Variants in ASPH observed in about 807,000 individuals in gnomAD.
ASPH encodes aspartate beta-hydroxylase.
ASPH carries 100 observed loss-of-function variants against 118.4 expected under a neutral mutation model. The observed-to-expected ratio is 0.84, with a 90% CI of 0.72 to 1.00. ASPH has a LOEUF of 1.00. ASPH is among the 50% of genes least tolerant of loss of function. The probability of loss-of-function intolerance (pLI) is 0.00; values close to 1 mark genes in which losing one functional copy is unlikely to be tolerated. For missense variants in ASPH, 920 were observed against 919.5 expected, an observed-to-expected ratio of 1.00 and a Z score of -0.01; for synonymous variants, 315 against 325.6, an observed-to-expected ratio of 0.97 and a Z score of 0.35.
At chr8:61,614,430 A>G (rs145846938) in intron 14 of ASPH, among the ~76,000 whole-genome samples, 2 of 152,232 alleles carry the variant, frequency 1.3e-5, no homozygotes. Flanking sequence ...AATCAAGAAC[A>G]TATTGCACAT....
At chr8:61,593,020 G>C (rs1032873388) in intron 14 of ASPH, among the ~76,000 whole-genome samples, 1 of 152,196 alleles carries the variant, frequency 6.6e-6, no homozygotes, top group African/African-American at 2.4e-5. Flanking sequence ...CTACAGGCGG[G>C]GGATGTGGGT....
intron 21 of ASPH, among the ~76,000 whole-genome samples, chr8:61,541,296 G>A (rs759738108): frequency 6.6e-5 from 10 of 152,146 alleles, no homozygotes; most frequent in South Asian, 2.1e-4. Flanking sequence ...CCCGCGAGGC[G>A]GAGCTTGCAG....
chr8:61,573,281 T>A (rs1484818682), intron 16 of ASPH, among the ~76,000 whole-genome samples: 1 of 152,164 alleles, frequency 6.6e-6, no homozygotes, highest in Admixed American at 6.5e-5. Context: ...AAAATGGCCA[T>A]AGTGCCCAAA....
chr8:61,650,941 A>C, intron 5 of ASPH, 109 bp downstream of exon 5: 2 of 1,151,952 alleles, frequency 1.7e-6, no homozygotes, highest in Non-Finnish European at 2.4e-6. Flanking sequence ...TTTTTAAAAA[A>C]CACAAACACC....
At chr8:61,651,263 C>T (rs1183360394) in intron 4 of ASPH, 139 bp from the exon 5 acceptor site, 1 of 615,900 alleles carries the variant, frequency 1.6e-6, no homozygotes, top group Non-Finnish European at 2.6e-6. Context: ...TCTCTATCAG[C>T]TTACATTTTT....
Position 61,501,212 on chromosome 8 carries a change from G to GAAAT in ASPH, c.*2143_*2146dup, listed in dbSNP as rs1165797241. 4 of 146,966 alleles carry GAAAT rather than the reference G, an allele frequency of 2.7e-5. No individual in the cohort carries two copies. The highest frequency in any genetic ancestry group is 6.2e-5 in the Non-Finnish European group (4 of 64,792). The allele number at this position is 146,966 out of a possible 1,614,324, so 9.1% of individuals were successfully genotyped here. On this transcript the variant is annotated 3_prime_UTR_variant, in exon 25 of 25. Transcript: ENST00000379454. ...TGTACCAAGACATAGATAGGTAAGAGAAATAAAGAATTGAAGTGAATTAGA... is the reference window on the plus strand; with the variant it reads ...TGTACCAAGACATAGATAGGTAAGAGAAATAAATAAAGAATTGAAGTGAATTAGA...
At chr8:61,551,779 C>T (rs889241762) in intron 20 of ASPH, among the ~76,000 whole-genome samples, 1 of 152,170 alleles carries the variant, frequency 6.6e-6, no homozygotes, top group Non-Finnish European at 1.5e-5. Context: ...TTTCTTATCC[C>T]TCTCATTCAA....
At chr8:61,696,040 G>T (rs565603776) in intron 1 of ASPH, among the ~76,000 whole-genome samples, 5 of 152,282 alleles carry the variant, frequency 3.3e-5, no homozygotes, top group African/African-American at 1.2e-4. Context: ...TTCAGACTCA[G>T]ATTCGTCCCT....
chr8:61,633,802 G>A, intron 12 of ASPH, 75 bp from the exon 13 acceptor site: 1 of 995,554 alleles, frequency 1.0e-6, no homozygotes, highest in Non-Finnish European at 1.5e-6. Flanking sequence ...CCAGATTTAA[G>A]TAATGATGAT....
chr8:61,654,384 T>C (rs1812588103), intron 3 of ASPH, among the ~76,000 whole-genome samples: 1 of 152,196 alleles, frequency 6.6e-6, no homozygotes, highest in South Asian at 2.1e-4. Flanking sequence ...AATCCAAGTA[T>C]TTAGAAAACA....
At position 61,517,559 on chromosome 8, in the gene ASPH, C is replaced by A; in HGVS notation, c.2095G>T (p.Gly699Cys). Residue 699 changes from glycine (G) to cysteine (C), a missense_variant, in exon 24 of 25, where the codon GGC becomes TGC. Physicochemically the swap from Gly to Cys is radical, Grantham distance 159. Transcript: ENST00000379454. ...MHLGLVIPKEGCKIRCANETK... is the reference protein window; with the variant it reads ...MHLGLVIPKECCKIRCANETK... ...TCGTTGGCACATCGAATCTTGCAGC[C>A]TTCCTTGGGAATCACCAAGCCCAGG... 6.2e-7 allele frequency: 1 copy of A among 1,614,136 alleles called. No individual in the cohort carries two copies. Among genetic ancestry groups the A allele is most frequent in the South Asian group, 1.1e-5 (1 of 91,086 alleles).
At position 61,621,815 on chromosome 8, in the gene ASPH, C is replaced by T. The variant is rs547151990; in HGVS notation, c.935-2796G>A. Among the ~76,000 whole-genome samples the T allele has an allele frequency of 9.8e-5, 15 of 152,364 alleles. No homozygotes were observed. In the South Asian group the frequency reaches 2.9e-3, roughly 29 times the overall value. Reference sequence around the variant, plus strand: ...CATTAACTAAAGGGAGCTATATGCTCAGCCCATCCCTGAAAATTACAAAAG... The same window carrying T: ...CATTAACTAAAGGGAGCTATATGCTTAGCCCATCCCTGAAAATTACAAAAG... On this transcript the variant is annotated intron_variant, in intron 13 of 24. Coordinates refer to ENST00000379454, the MANE Select transcript of ASPH (RefSeq NM_004318.4).
In ASPH at chr8:61,653,566, A is replaced by ACCTG; in HGVS notation, c.413_415+1dup. The ACCTG allele has an allele frequency of 6.2e-7, 1 of 1,613,620 alleles. No homozygotes were observed. Among genetic ancestry groups the ACCTG allele is most frequent in the South Asian group, 1.1e-5 (1 of 91,010 alleles). On this transcript the variant is annotated splice_donor_variant, in intron 4 of 24. Transcript: ENST00000379454. LOFTEE classifies it high-confidence loss of function. ...GAGACTCGAGGATGAGGACAAGCTT[A>ACCTG]CCTGCCTCCACAGGAACCTGCTCCT...
intron 14 of ASPH, chr8:61,606,819 A>C (rs1035643985): frequency 6.5e-6 from 1 of 154,928 alleles, no homozygotes; most frequent in African/African-American, 2.4e-5. Context: ...ATGACACCCA[A>C]GTTAAGTACT....
intron 7 of ASPH, 73 bp downstream of exon 7, chr8:61,644,527 A>G: frequency 9.7e-7 from 1 of 1,033,072 alleles, no homozygotes; most frequent in Non-Finnish European, 1.4e-6. Context: ...AATAATAGAT[A>G]TTATGTATTT....
rs10674052 is a variant in ASPH, at chr8:61,617,932, CA to C, written c.976+1045del. On this transcript the variant is annotated intron_variant, in intron 14 of 24. Transcript: ENST00000379454. ...TGGGTGACATAGTGAGACGCCATCT[CA>C]AAAAAAAAAAAAAAAAAGAAAGAAA... Among the ~76,000 whole-genome samples, 730 of 87,862 alleles carry C rather than the reference CA, an allele frequency of 8.3e-3. 7 individuals are homozygous for C. Among genetic ancestry groups the C allele is most frequent in the African/African-American group, 0.03 (652 of 21,592 alleles). 57.6% of individuals were successfully genotyped at this position (87,862 alleles called of 152,430 possible). A position where few individuals can be genotyped will look rare whatever the true frequency, so the allele number is the denominator to read the frequency against.
intron 7 of ASPH, among the ~76,000 whole-genome samples, chr8:61,644,373 A>T (rs1284719351): frequency 6.6e-6 from 1 of 152,258 alleles, no homozygotes; most frequent in Non-Finnish European, 1.5e-5. Context: ...GTATCTTTTG[A>T]ACTAGTAATC....
At chr8:61,564,661 C>T (rs62506125) in intron 17 of ASPH, among the ~76,000 whole-genome samples, 3,463 of 152,304 alleles carry the variant, frequency 0.023, 49 homozygotes, top group Non-Finnish European at 0.037. Context: ...CCCGGCCCTG[C>T]CTTTTCTGTG....
chr8:61,681,158 C>A, intron 2 of ASPH, 122 bp from the exon 3 acceptor site: 7 of 706,168 alleles, frequency 9.9e-6, no homozygotes. Flanking sequence ...CAATTCTTTG[C>A]TCTTTTAATC....
Sources: gnomAD v4.1 joint callset for allele counts (sites outside exome capture counted in the v4.1 genomes callset) on GRCh38, gnomAD v4.1.1 for gene constraint, MANE v1.5 for transcripts, NCBI Gene and HGNC (gene_info 2026-07-23, HGNC 2026-07-21) for gene names.